FNDC7: variants seen among roughly 807,000 people sequenced by gnomAD.
FNDC7 encodes fibronectin type III domain-containing protein 7.
A neutral mutation model predicts 74.2 loss-of-function variants in FNDC7; 66 were observed. The ratio of observed to expected loss-of-function variants is 0.89; its 90% CI spans 0.73 to 1.09. The LOEUF (loss-of-function observed/expected upper bound fraction) is 1.09. FNDC7 is among the 50% of genes least tolerant of loss of function. The probability of loss-of-function intolerance (pLI) is 0.00; values close to 1 mark genes in which losing one functional copy is unlikely to be tolerated. For synonymous variants in FNDC7, 307 were observed against 330.2 expected, an observed-to-expected ratio of 0.93 and a Z score of 0.76; for missense variants, 829 against 893.4, an observed-to-expected ratio of 0.93 and a Z score of 0.92.
At chr1:108,730,486 T>C (rs1300471122) in intron 8 of FNDC7, among the ~76,000 whole-genome samples, 188 bp from the exon 9 acceptor site, 2 of 151,834 alleles carry the variant, frequency 1.3e-5, no homozygotes, top group East Asian at 3.9e-4. Flanking sequence ...AAGTACCCAC[T>C]ATATACAGTG....
chr1:108,719,745 T>TGAGAGAGAGAGA (rs67387432), intron 4 of FNDC7, among the ~76,000 whole-genome samples: 2 of 148,232 alleles, frequency 1.3e-5, no homozygotes, highest in African/African-American at 5.0e-5. Context: ...GCCAAGCGAA[T>TGAGAGAGAGAGA]GAGAGAGAGA....
At chr1:108,719,228 G>A (rs12070845) in intron 4 of FNDC7, among the ~76,000 whole-genome samples, 179 bp downstream of exon 4, 13,645 of 152,188 alleles carry the variant, frequency 0.09, 690 homozygotes, top group African/African-American at 0.13. Flanking sequence ...TAGTTTAAAC[G>A]CTTCCTGCAT....
Position 108,726,005 on chromosome 1 carries a change from G to C in FNDC7, c.1111+1G>C, listed in dbSNP as rs748821573. ...GGTGACATATTCAATTATACCACAG[G>C]TAAGTCCCATTTGATGTTTGTTAAG... On this transcript the variant is annotated splice_donor_variant, in intron 6 of 12. Coordinates refer to ENST00000370017, the MANE Select transcript of FNDC7 (RefSeq NM_001144937.3). LOFTEE classifies it high-confidence loss of function. 2 of 1,613,960 alleles carry C rather than the reference G, an allele frequency of 1.2e-6. No homozygotes were observed. Among genetic ancestry groups the C allele is most frequent in the Non-Finnish European group, 8.5e-7 (1 of 1,179,922 alleles).
At chr1:108,718,473 C>T (rs1661025264) in intron 3 of FNDC7, among the ~76,000 whole-genome samples, 2 of 152,152 alleles carry the variant, frequency 1.3e-5, no homozygotes, top group Non-Finnish European at 2.9e-5. Flanking sequence ...AAGTTATGTG[C>T]ACATTAAAAT....
intron 2 of FNDC7, among the ~76,000 whole-genome samples, 184 bp downstream of exon 2, chr1:108,713,713 A>G (rs1440210803): frequency 6.6e-6 from 1 of 152,240 alleles, no homozygotes; most frequent in East Asian, 1.9e-4. Context: ...GGTAAGACAA[A>G]TAAATGGATT....
chr1:108,719,125 G>A, intron 4 of FNDC7, 76 bp downstream of exon 4: 1 of 1,497,132 alleles, frequency 6.7e-7, no homozygotes, highest in Non-Finnish European at 9.0e-7. Context: ...CAGCCATCAA[G>A]GGCAGTGTTA....
chr1:108,716,820 A>G lies in FNDC7; in HGVS notation c.83-957A>G, dbSNP rs549497642. Among the ~76,000 whole-genome samples the G allele has an allele frequency of 4.6e-5, 7 of 152,010 alleles. No homozygotes were observed. The South Asian group carries it at 1.5e-3, about 32-fold the overall frequency. On this transcript the variant is annotated intron_variant, in intron 2 of 12. Coordinates refer to ENST00000370017, the MANE Select transcript of FNDC7 (RefSeq NM_001144937.3). ...TTAGTTTTGAATTTGACATATAGTG[A>G]TTTTACCCAGCAAGTGGAGTACATT...
In FNDC7 at chr1:108,722,361, G is replaced by A. The variant is rs771180728; in HGVS notation, c.625G>A (p.Val209Ile). 2 of 1,612,274 alleles carry A rather than the reference G, an allele frequency of 1.2e-6. No homozygotes were observed. The highest frequency in any genetic ancestry group is 4.5e-5 in the East Asian group (2 of 44,860). Residue 209 changes from valine to isoleucine, a missense_variant, in exon 5 of 13, where the codon GTC becomes ATC. Val to Ile is a conservative substitution (Grantham distance 29). Coordinates refer to ENST00000370017, the MANE Select transcript of FNDC7 (RefSeq NM_001144937.3). ...TCCTCGGGCCCCTGCCAACATTCAA[G>A]TCTCTTTCGATAGTGGAGCTCTGAA... Reference protein sequence around the residue: ...TSPRAPANIQVSFDSGALKAS... With the variant: ...TSPRAPANIQISFDSGALKAS...
At position 108,728,614 on chromosome 1, in the gene FNDC7, T is replaced by C; in HGVS notation, c.1370-18T>C. ...TTTTGACTCATGCTGGTTCAATTAA[T>C]ACTCTAAAATGTCTTAGCTCCTTGC... On this transcript the variant is annotated intron_variant, in intron 7 of 12. Coordinates refer to ENST00000370017, the MANE Select transcript of FNDC7 (RefSeq NM_001144937.3). 4.3e-6 allele frequency: 7 copies of C among 1,613,108 alleles called. No homozygotes were observed. The highest frequency in any genetic ancestry group is 2.2e-5 in the South Asian group (2 of 91,058).
rs532455644 is a variant in FNDC7 at position 108,728,207 on chromosome 1, G to A, written c.1369+142G>A. The A allele has an allele frequency of 3.7e-6, 4 of 1,092,768 alleles. No individual in the cohort carries two copies. In the Admixed American group the frequency reaches 9.1e-5, roughly 25 times the overall value. 67.7% of individuals were successfully genotyped at this position (1,092,768 alleles called of 1,614,324 possible). On this transcript the variant is annotated intron_variant, in intron 7 of 12. Coordinates refer to ENST00000370017, the MANE Select transcript of FNDC7 (RefSeq NM_001144937.3). ...TGTGGAGACCAAGAGAGCCCCCGTT[G>A]TACGAAGGAGAGGCAGAGGAGAAGG...
chr1:108,717,943 A>G lies in FNDC7; in HGVS notation c.249A>G (p.Leu83=). The change falls in exon 3 of 13, where the codon CTA becomes CTG. Residue 83 remains leucine, a synonymous_variant. Coordinates refer to ENST00000370017, the MANE Select transcript of FNDC7 (RefSeq NM_001144937.3). ...ATTCCCCAGGCACTGTGACGGGACT[A>G]AAGGCTGCAACCTGGTATGAAATCA... ...VANSPGTVTG[L]KAATWYEITI... 6.4e-7 allele frequency: 1 copy of G among 1,551,742 alleles called. No individual in the cohort carries two copies. Among genetic ancestry groups the G allele is most frequent in the Non-Finnish European group, 8.7e-7 (1 of 1,146,996 alleles).
In FNDC7 at chr1:108,741,963, C is replaced by A; in HGVS notation, c.*76C>A. 1 of 736,660 alleles carries A rather than the reference C, an allele frequency of 1.4e-6. No individual in the cohort carries two copies. The highest frequency in any genetic ancestry group is 2.7e-5 in the Admixed American group (1 of 36,910). 45.6% of individuals were successfully genotyped at this position (736,660 alleles called of 1,614,324 possible). On this transcript the variant is annotated 3_prime_UTR_variant, in exon 13 of 13. Transcript: ENST00000370017. ...GTTAGTGATTAGAGATGGAAAAGATCTACTAGAATGTAGAATAAAAATGCC... is the reference window on the plus strand; with the variant it reads ...GTTAGTGATTAGAGATGGAAAAGATATACTAGAATGTAGAATAAAAATGCC...
rs1661676027 is a variant in FNDC7, at chr1:108,742,623, C to CGTGCATCT, written c.*737_*744dup. 1 of 152,148 alleles carries CGTGCATCT rather than the reference C, an allele frequency of 6.6e-6. No individual in the cohort carries two copies. The highest frequency in any genetic ancestry group is 1.5e-5 in the Non-Finnish European group (1 of 68,030). 9.4% of individuals were successfully genotyped at this position (152,148 alleles called of 1,614,324 possible). The stretch of plus-strand genomic sequence containing the variant: ...CCTCAAACTGTGGCCGACTGACATG[C>CGTGCATCT]GTGCATCTTTTGGGGGAGGACCATC... On this transcript the variant is annotated 3_prime_UTR_variant, in exon 13 of 13. Coordinates refer to ENST00000370017, the MANE Select transcript of FNDC7 (RefSeq NM_001144937.3).
chr1:108,722,148 G>A (rs1661104926), intron 4 of FNDC7, among the ~76,000 whole-genome samples, 187 bp from the exon 5 acceptor site: 2 of 152,178 alleles, frequency 1.3e-5, no homozygotes, highest in South Asian at 4.1e-4. Context: ...TATATTATGA[G>A]TTTGCATAGT....
At chr1:108,728,457 G>A (rs554589244) in intron 7 of FNDC7, among the ~76,000 whole-genome samples, 175 bp from the exon 8 acceptor site, 1 of 152,274 alleles carries the variant, frequency 6.6e-6, no homozygotes, top group Non-Finnish European at 1.5e-5. Context: ...TGAACCCAAT[G>A]CCCTGTGTTA....
chr1:108,722,975 G>A (rs1029425493), intron 5 of FNDC7, among the ~76,000 whole-genome samples: 7 of 103,076 alleles, frequency 6.8e-5, no homozygotes, highest in African/African-American at 1.1e-4. Context: ...GGTGGGAGCC[G>A]CCATTTTTTA....
chr1:108,713,766 C>T (rs1660920429), intron 2 of FNDC7, among the ~76,000 whole-genome samples: 1 of 152,116 alleles, frequency 6.6e-6, no homozygotes, highest in South Asian at 2.1e-4. Flanking sequence ...TTGCTGAGGA[C>T]TATAATGTAC....
chr1:108,727,749 T>C, intron 6 of FNDC7, 59 bp from the exon 7 acceptor site: 2 of 1,588,492 alleles, frequency 1.3e-6, no homozygotes, highest in South Asian at 1.2e-5. Flanking sequence ...GGACACAGTG[T>C]ACCCCCAGCT....
chr1:108,725,759 C>T lies in FNDC7; in HGVS notation c.866C>T (p.Ala289Val), dbSNP rs1408269870. Residue 289 changes from alanine (A) to valine (V), a missense_variant, in exon 6 of 13, where the codon GCA becomes GTA. Transcript: ENST00000370017. ...ATTGATCATTTCCTAGTTGCTTGTG[C>T]ACCCGGAAGAGTGACGATCCAAGAA... ...SAMTLKTVACAPGRVTIQEDP... is the reference protein window; with the variant it reads ...SAMTLKTVACVPGRVTIQEDP... 1.2e-6 allele frequency: 2 copies of T among 1,613,340 alleles called. No homozygotes were observed. Among genetic ancestry groups the T allele is most frequent in the Non-Finnish European group, 1.7e-6 (2 of 1,179,670 alleles).
Sources: allele counts gnomAD v4.1 joint callset (sites outside exome capture counted in the v4.1 genomes callset), GRCh38; gene constraint gnomAD v4.1.1; transcripts MANE v1.5; gene names NCBI Gene and HGNC (gene_info 2026-07-23, HGNC 2026-07-21).